Variants in ENPP2 observed in about 807,000 individuals in gnomAD.
ENPP2 encodes the protein autotaxin.
Under a neutral mutation model 120.2 loss-of-function variants are expected in ENPP2, and 51 were observed. The observed-to-expected ratio is 0.42, with a 90% CI of 0.34 to 0.54. The LOEUF is 0.54. ENPP2 is among the 20% of genes least tolerant of loss of function. The pLI is 0.04. For synonymous variants in ENPP2, 365 were observed against 366.4 expected, an observed-to-expected ratio of 1.00 and a Z score of 0.04; for missense variants, 920 against 1,066.5, an observed-to-expected ratio of 0.86 and a Z score of 1.91.
chr8:119,599,531 C>A (rs72688226), intron 11 of ENPP2, among the ~76,000 whole-genome samples: 3 of 152,128 alleles, frequency 2.0e-5, no homozygotes, highest in Non-Finnish European at 4.4e-5. Flanking sequence ...TACTAGGCTA[C>A]TTAAATATTT....
chr8:119,609,572 G>A (rs1814950033), intron 8 of ENPP2, among the ~76,000 whole-genome samples: 1 of 152,196 alleles, frequency 6.6e-6, no homozygotes, highest in Admixed American at 6.5e-5. Context: ...CTAGGGTTCA[G>A]AATGTGTCCT....
chr8:119,667,909 C>T (rs1437619044), intron 1 of ENPP2, among the ~76,000 whole-genome samples: 1 of 152,202 alleles, frequency 6.6e-6, no homozygotes, highest in Non-Finnish European at 1.5e-5. Context: ...CTCATCCCCT[C>T]TCTTGCATTC....
chr8:119,664,245 A>G (rs534513286), intron 1 of ENPP2, among the ~76,000 whole-genome samples: 5 of 152,336 alleles, frequency 3.3e-5, no homozygotes, highest in African/African-American at 9.6e-5. Context: ...CATGAAGACG[A>G]ACACATTAAG....
chr8:119,618,189 T>A, intron 5 of ENPP2: 1 of 397,630 alleles, frequency 2.5e-6, no homozygotes, highest in South Asian at 1.9e-5. Context: ...AGATGAGCTA[T>A]CAAGGCTGCC....
At chr8:119,642,730 G>A (rs1817319085), upstream of ENPP2, among the ~76,000 whole-genome samples, 1 of 152,102 alleles carries the variant, frequency 6.6e-6, no homozygotes, top group Non-Finnish European at 1.5e-5. Context: ...TACTTTGCTG[G>A]TGACACAAAG....
intron 8 of ENPP2, among the ~76,000 whole-genome samples, chr8:119,612,550 T>C (rs1482247371): frequency 6.6e-6 from 1 of 152,168 alleles, no homozygotes; most frequent in Non-Finnish European, 1.5e-5. Flanking sequence ...GTACCACCAA[T>C]ACTGGCAGAG....
chr8:119,565,350 C>T (rs932395234), intron 22 of ENPP2, among the ~76,000 whole-genome samples: 4 of 152,136 alleles, frequency 2.6e-5, no homozygotes, highest in Non-Finnish European at 4.4e-5. Flanking sequence ...TCTTTCTTCT[C>T]GTCCTTCATA....
At chr8:119,559,934 C>G (rs148451011) in intron 24 of ENPP2, among the ~76,000 whole-genome samples, 197 of 152,296 alleles carry the variant, frequency 1.3e-3, no homozygotes, top group African/African-American at 4.6e-3. Context: ...TGGCCACGAA[C>G]TCTACAAGAA....
Position 119,582,530 on chromosome 8 carries a change from G to T in ENPP2, c.1616C>A (p.Thr539Asn), listed in dbSNP as rs747123832. 1.2e-6 allele frequency: 2 copies of T among 1,613,548 alleles called. No individual in the cohort carries two copies. The highest frequency in any genetic ancestry group is 1.1e-5 in the South Asian group (1 of 91,070). ...TTCCTCTGGCATGGTTGGCCTGAAG[G>T]TATTAGTGCGCAGGAGATGATTCAA... is the stretch of plus-strand genomic sequence containing the variant. ...GSLNHLLRTNTFRPTMPEEVT... is the reference protein window; with the variant it reads ...GSLNHLLRTNNFRPTMPEEVT... The change falls in exon 18 of 25, where the codon ACC (threonine) becomes AAC (asparagine). Residue 539 changes from threonine to asparagine, a missense_variant. Transcript: ENST00000075322.
At chr8:119,591,763 A>G (rs1563705890) in intron 12 of ENPP2, among the ~76,000 whole-genome samples, 2 of 152,230 alleles carry the variant, frequency 1.3e-5, no homozygotes. Flanking sequence ...AACACACAGC[A>G]TAAGGATTAT....
chr8:119,576,125 A>G (rs1233929525), intron 19 of ENPP2, among the ~76,000 whole-genome samples: 1 of 152,120 alleles, frequency 6.6e-6, no homozygotes, highest in Non-Finnish European at 1.5e-5. Context: ...AAGAATTACT[A>G]GTGTTTAAGT....
In ENPP2 at chr8:119,569,738, TTATCTG is replaced by T. The variant is rs1351889271; in HGVS notation, c.1918-374_1918-369del. ...GATGTATCTCCTCTAAATAGACTAT[TTATCTG>T]TGTGTGTGTGTGTGTGTGTGTGTGT... On this transcript the variant is annotated intron_variant, in intron 20 of 24. Transcript: ENST00000075322. 7.6e-3 allele frequency among the ~76,000 whole-genome samples: 687 copies of T among 90,826 alleles called. 7 individuals are homozygous for T. The highest frequency in any genetic ancestry group is 0.03 in the African/African-American group (639 of 21,078). 59.6% of individuals were successfully genotyped at this position (90,826 alleles called of 152,430 possible).
intron 13 of ENPP2, among the ~76,000 whole-genome samples, chr8:119,588,476 C>A (rs1233712523): frequency 6.9e-6 from 1 of 144,400 alleles, no homozygotes; most frequent in Admixed American, 7.4e-5. Context: ...TTGCAGTGAG[C>A]CAAGATGGAG....
intron 22 of ENPP2, among the ~76,000 whole-genome samples, chr8:119,566,480 T>C (rs532735910): frequency 6.6e-6 from 1 of 152,086 alleles, no homozygotes; most frequent in Non-Finnish European, 1.5e-5. Context: ...ATACCTTAGA[T>C]AATTATTTGC....
intron 2 of ENPP2, among the ~76,000 whole-genome samples, chr8:119,627,865 A>T (rs933736887): frequency 1.0e-4 from 15 of 143,554 alleles, no homozygotes; most frequent in South Asian, 8.8e-4. Flanking sequence ...CCGTCTTAAA[A>T]ATATATATAT....
chr8:119,587,469 C>T (rs1813195139), intron 13 of ENPP2, among the ~76,000 whole-genome samples: 1 of 152,146 alleles, frequency 6.6e-6, no homozygotes, highest in Non-Finnish European at 1.5e-5. Context: ...AATGTAACTT[C>T]TTATTTATCT....
intron 8 of ENPP2, among the ~76,000 whole-genome samples, chr8:119,610,691 T>G (rs577657410): frequency 5.3e-5 from 8 of 151,554 alleles, no homozygotes; most frequent in Non-Finnish European, 8.8e-5. Context: ...TCGCCTGAGG[T>G]CAGGAGTTCG....
chr8:119,637,343 A>G (rs1002103203), intron 2 of ENPP2, among the ~76,000 whole-genome samples: 1 of 151,930 alleles, frequency 6.6e-6, no homozygotes, highest in Non-Finnish European at 1.5e-5. Flanking sequence ...CTCACTCTTA[A>G]CCCCGCCACA....
At chr8:119,558,446 A>G (rs2129842094) in intron 24 of ENPP2, among the ~76,000 whole-genome samples, 1 of 152,240 alleles carries the variant, frequency 6.6e-6, no homozygotes, top group Non-Finnish European at 1.5e-5. Flanking sequence ...AAGGTAAAGC[A>G]AGGAAACACG....
Sources: allele counts gnomAD v4.1 joint callset (sites outside exome capture counted in the v4.1 genomes callset), GRCh38; gene constraint gnomAD v4.1.1; transcripts MANE v1.5; gene names NCBI Gene and HGNC (gene_info 2026-07-23, HGNC 2026-07-21).